The following MYO15A variants were observed in gnomAD, a reference collection of about 807,000 sequenced individuals.
MYO15A encodes myosin XVA.
MYO15A carries 308 observed loss-of-function variants against 394.6 expected under a neutral mutation model. That is an observed-to-expected ratio of 0.78 (90% confidence interval 0.71 to 0.86). The LOEUF is 0.86. Among genes scored for constraint, MYO15A ranks in the 40% least tolerant of loss-of-function variants. The pLI, the probability that MYO15A is intolerant of heterozygous loss-of-function variation, is 0.00. For synonymous variants in MYO15A, 1,957 were observed against 2,003.8 expected (o/e 0.98, Z 0.62); for missense variants, 4,606 against 4,799.1 (o/e 0.96, Z 1.19).
chr17:18,161,807 T>C (rs908314509), intron 57 of MYO15A, among the ~76,000 whole-genome samples: 1 of 152,086 alleles, frequency 6.6e-6, no homozygotes, highest in Admixed American at 6.5e-5. Flanking sequence ...CGGCCCTGCC[T>C]CTCTGACTGT....
At chr17:18,151,071 T>C in intron 38 of MYO15A, 39 bp from the exon 39 acceptor site, 1 of 1,613,052 alleles carries the variant, frequency 6.2e-7, no homozygotes, top group South Asian at 1.1e-5. Flanking sequence ...CAGCCTGGTA[T>C]ATCCCAGGCA....
Position 18,142,792 on chromosome 17 carries a change from G to T in MYO15A, c.5862G>T (p.Lys1954Asn). 1 of 1,613,744 alleles carries T rather than the reference G, an allele frequency of 6.2e-7. No individual in the cohort carries two copies. The highest frequency in any genetic ancestry group is 1.3e-5 in the African/African-American group (1 of 75,026). Residue 1954 changes from lysine to asparagine, a missense_variant, in exon 25 of 66, where the codon AAG becomes AAT. Physicochemically the swap from Lys to Asn is moderately conservative, Grantham distance 94. Around this residue, in one of 2 missense-constraint regions of MYO15A, gnomAD observed 2,776 missense variants for 3,109.3 expected, o/e 0.89. Transcript: ENST00000647165. The stretch of plus-strand genomic sequence containing the variant: ...AGCAGATGAGGAGGAGTCTGGTGAA[G>T]TTCCGGTCCCTGGTACACGCATACG... ...RYQQMRRSLV[K>N]FRSLVHAYVS...
At position 18,155,142 on chromosome 17, in the gene MYO15A, G is replaced by A; in HGVS notation, c.8257G>A (p.Val2753Ile). The A allele has an allele frequency of 6.2e-7, 1 of 1,613,942 alleles. No homozygotes were observed. The highest frequency in any genetic ancestry group is 1.1e-5 in the South Asian group (1 of 91,080). The change falls in exon 46 of 66, where the codon GTA (valine) becomes ATA (isoleucine). Residue 2753 changes from valine (V) to isoleucine (I), a missense_variant. Transcript: ENST00000647165. ...QNQLDTQKPL[V>I]TESVKRAVVS... is the part of the protein sequence containing the mutation. Reference sequence around the variant, plus strand: ...CCAGCTGGACACACAGAAGCCTCTGGTAACGGAAAGCGTGAAGCGGGCCGT... The same window carrying A: ...CCAGCTGGACACACAGAAGCCTCTGATAACGGAAAGCGTGAAGCGGGCCGT...
In MYO15A at chr17:18,150,835, G is replaced by C. The variant is rs760461823; in HGVS notation, c.7396-1G>C. 2 of 1,593,172 alleles carry C rather than the reference G, an allele frequency of 1.3e-6. No homozygotes were observed. Among genetic ancestry groups the C allele is most frequent in the African/African-American group, 2.7e-5 (2 of 74,464 alleles). ...TGGTCACCACTGCCACCTCTCCCCA[G>C]GCCCGGGAGATGACCCTGCAGGCCA... On this transcript the variant is annotated splice_acceptor_variant, in intron 37 of 65. Transcript: ENST00000647165. LOFTEE classifies it high-confidence loss of function. This position sits in a 1 kb window ranked among gnomAD's most constrained non-coding sequence, Gnocchi z 4.4.
In MYO15A at chr17:18,142,178, T is replaced by C. The variant is rs774280238; in HGVS notation, c.5749T>C (p.Phe1917Leu). The change falls in exon 24 of 66, where the codon TTC becomes CTC. Residue 1917 changes from phenylalanine to leucine, a missense_variant. Physicochemically the swap from Phe to Leu is conservative, Grantham distance 22. Around this residue, in one of 2 missense-constraint regions of MYO15A, gnomAD observed 2,776 missense variants for 3,109.3 expected, o/e 0.89. Transcript: ENST00000647165. ...TCTGCAGCGCTGCCTCCGTGGCTTC[T>C]TCATTAAGCGGCGATTCCGCTCTCT... Reference protein sequence around the residue: ...LTLQRCLRGFFIKRRFRSLRH... With the variant: ...LTLQRCLRGFLIKRRFRSLRH... 21 of 1,613,726 alleles carry C rather than the reference T, an allele frequency of 1.3e-5. No individual in the cohort carries two copies. The African/African-American group carries it at 2.5e-4, about 19-fold the overall frequency.
intron 19 of MYO15A, 92 bp from the exon 20 acceptor site, chr17:18,140,425 T>C (rs1307438055): frequency 1.9e-6 from 3 of 1,560,474 alleles, no homozygotes; most frequent in Non-Finnish European, 2.6e-6. Context: ...CAGATCCCCC[T>C]GGTCCGGAGA....
rs759194482 is a variant in MYO15A, at chr17:18,156,374, T to C, written c.8601+38T>C. The C allele has an allele frequency of 7.5e-6, 12 of 1,604,932 alleles. No homozygotes were observed. In the South Asian group the frequency reaches 1.2e-4, roughly 16 times the overall value. ...TCACAGATCTTCCCTCCACCCAGGC[T>C]GAGGGCCAGCAACAGGGATCTCCCT... is the stretch of plus-strand genomic sequence containing the variant. On this transcript the variant is annotated intron_variant, in intron 48 of 65. Transcript: ENST00000647165.
In MYO15A at chr17:18,119,195, C is replaced by G. The variant is rs765835381; in HGVS notation, c.395C>G (p.Thr132Arg). The change falls in exon 2 of 66, where the codon ACG becomes AGG. Residue 132 changes from threonine to arginine, a missense_variant. Physicochemically the swap from Thr to Arg is moderately conservative, Grantham distance 71. Coordinates refer to ENST00000647165, the MANE Select transcript of MYO15A (RefSeq NM_016239.4). ...PRARSLSKAS[T>R]AINWLTKKFL... The stretch of plus-strand genomic sequence containing the variant: ...GCCCGGTCACTCAGCAAAGCGTCCA[C>G]GGCCATCAACTGGCTCACAAAAAAG... 5.6e-6 allele frequency: 9 copies of G among 1,612,400 alleles called. No homozygotes were observed. The highest frequency in any genetic ancestry group is 2.2e-5 in the South Asian group (2 of 91,088).
intron 3 of MYO15A, 99 bp downstream of exon 3, chr17:18,124,664 G>C: frequency 4.3e-6 from 5 of 1,164,374 alleles, no homozygotes; most frequent in Non-Finnish European, 6.2e-6. Flanking sequence ...TCACCTCCCA[G>C]GACATTTTCA....
intron 65 of MYO15A, chr17:18,177,732 C>T (rs2142448304): frequency 6.6e-6 from 1 of 152,338 alleles, no homozygotes; most frequent in South Asian, 2.1e-4. Context: ...TATAATAGCT[C>T]CTGTCTCTTA....
rs370918996 is a variant in MYO15A at position 18,119,832 on chromosome 17, T to C, written c.1032T>C (p.Asp344=). 1 of 1,612,928 alleles carries C rather than the reference T, an allele frequency of 6.2e-7. No individual in the cohort carries two copies. Among genetic ancestry groups the C allele is most frequent in the Non-Finnish European group, 8.5e-7 (1 of 1,179,946 alleles). ...CGCACCCTTATGGCTACTACCTGGA[T>C]CCCTATGCGCCGTACGACGCGCCAT... ...GEAHPYGYYL[D]PYAPYDAPYP... Residue 344 remains aspartate, a synonymous_variant, in exon 2 of 66, where the codon GAT becomes GAC. Coordinates refer to ENST00000647165, the MANE Select transcript of MYO15A (RefSeq NM_016239.4).
At chr17:18,109,033 G>C (rs1321020077) in intron 1 of MYO15A, 1 of 152,406 alleles carries the variant, frequency 6.6e-6, no homozygotes, top group African/African-American at 2.4e-5. Flanking sequence ...TACCAAGACA[G>C]GCAGGGCCTC....
rs938032734 is a variant in MYO15A at position 18,127,185 on chromosome 17, C to T, written c.4032+20C>T. ...CAGCAGGTGAGTCTACCTGTCTCCC[C>T]AGGACCCTAGGCTGAACACCCTTTG... On this transcript the variant is annotated intron_variant, in intron 7 of 65. Transcript: ENST00000647165. The T allele has an allele frequency of 6.2e-7, 1 of 1,613,330 alleles. No individual in the cohort carries two copies. The highest frequency in any genetic ancestry group is 1.3e-5 in the African/African-American group (1 of 74,902).
chr17:18,162,238 T>C (rs574337362), intron 57 of MYO15A, among the ~76,000 whole-genome samples: 61 of 152,240 alleles, frequency 4.0e-4, no homozygotes, highest in African/African-American at 1.4e-3. Flanking sequence ...TGAGCAGAGC[T>C]GCATCACCCT....
chr17:18,148,268 C>T lies in MYO15A; in HGVS notation c.6691+58C>T. ...GTGGGAGTCAGCAGGGCCCAGTGAGCCCCGGGGATGGCAGAAGCCACTGGA... is the reference window on the plus strand; with the variant it reads ...GTGGGAGTCAGCAGGGCCCAGTGAGTCCCGGGGATGGCAGAAGCCACTGGA... On this transcript the variant is annotated intron_variant, in intron 31 of 65. Transcript: ENST00000647165. This position sits in a 1 kb window ranked among gnomAD's most constrained non-coding sequence, Gnocchi z 4.8. 6.2e-7 allele frequency: 1 copy of T among 1,603,240 alleles called. No individual in the cohort carries two copies.
In MYO15A at chr17:18,120,471, C is replaced by T. The variant is rs879619613; in HGVS notation, c.1671C>T (p.Phe557=). 5.7e-6 allele frequency: 9 copies of T among 1,574,552 alleles called. No homozygotes were observed. Among genetic ancestry groups the T allele is most frequent in the African/African-American group, 1.3e-5 (1 of 74,180 alleles). The stretch of plus-strand genomic sequence containing the variant: ...TCGGCGCCCACCGGGGCCTGGGCTT[C>T]GGCCCTGAGTTTGGCCGCCCCGTGC... The part of the protein sequence containing the change: ...SAFGAHRGLG[F]GPEFGRPVPR... Residue 557 remains phenylalanine, a synonymous_variant, in exon 2 of 66, where the codon TTC becomes TTT. Transcript: ENST00000647165.
intron 12 of MYO15A, among the ~76,000 whole-genome samples, chr17:18,133,759 T>C (rs919252392): frequency 6.6e-6 from 1 of 150,946 alleles, no homozygotes; most frequent in African/African-American, 2.4e-5. Flanking sequence ...CAGGCTCAAG[T>C]GATTCTCCTG....
intron 64 of MYO15A, among the ~76,000 whole-genome samples, chr17:18,173,100 C>T (rs2046965381): frequency 6.6e-6 from 1 of 152,142 alleles, no homozygotes. Flanking sequence ...CTGATGTGGG[C>T]ACCTGGAGGT....
chr17:18,154,845 C>G, intron 45 of MYO15A, 90 bp downstream of exon 45: 1 of 1,382,122 alleles, frequency 7.2e-7, no homozygotes, highest in Non-Finnish European at 1.0e-6. Flanking sequence ...GCTGACAAGC[C>G]CAGGCCCACC....
Sources: gnomAD v4.1 joint callset for allele counts (sites outside exome capture counted in the v4.1 genomes callset) on GRCh38, gnomAD v4.1.1 for gene constraint, gnomAD v4.1.1 regional missense constraint, Gnocchi (gnomAD v3.1) non-coding constraint, MANE v1.5 for transcripts, NCBI Gene and HGNC (gene_info 2026-07-23, HGNC 2026-07-21) for gene names.